The following ARSB variants were observed in gnomAD, a reference collection of about 807,000 sequenced individuals.
ARSB encodes the protein arylsulfatase B.
Under a neutral mutation model 50.9 loss-of-function variants are expected in ARSB, and 41 were observed. The ratio of observed to expected loss-of-function variants is 0.81; its 90% CI spans 0.63 to 1.04. The LOEUF (loss-of-function observed/expected upper bound fraction) is 1.04. Ranked by LOEUF, ARSB falls within the 50% of genes least tolerant of loss-of-function variation. The pLI is 0.00. For missense variants in ARSB, 672 were observed against 693.3 expected (o/e 0.97, Z 0.35); for synonymous variants, 269 against 284.8 (o/e 0.94, Z 0.56).
chr5:78,805,280 T>A (rs568556607), intron 6 of ARSB, among the ~76,000 whole-genome samples: 5 of 152,328 alleles, frequency 3.3e-5, no homozygotes, highest in South Asian at 2.1e-4. Flanking sequence ...GTATGGAGAA[T>A]CTGCCATATT....
intron 5 of ARSB, 70 bp from the exon 6 acceptor site, chr5:78,839,496 C>A: frequency 7.4e-7 from 1 of 1,358,912 alleles, no homozygotes; most frequent in South Asian, 1.2e-5. Flanking sequence ...TAATACTTCC[C>A]TTCCTTGTAC....
At chr5:78,814,233 T>C (rs1196166323) in intron 6 of ARSB, among the ~76,000 whole-genome samples, 1 of 151,180 alleles carries the variant, frequency 6.6e-6, no homozygotes, top group Non-Finnish European at 1.5e-5. Flanking sequence ...CTGAATTTAA[T>C]AATCAGATGC....
At chr5:78,869,133 C>T (rs201751459) in intron 5 of ARSB, among the ~76,000 whole-genome samples, 11 of 144,496 alleles carry the variant, frequency 7.6e-5, no homozygotes, top group African/African-American at 2.7e-4. Flanking sequence ...TATATATGCA[C>T]CCAATACAGG....
At chr5:78,829,222 T>C (rs537362938) in intron 6 of ARSB, among the ~76,000 whole-genome samples, 2 of 152,216 alleles carry the variant, frequency 1.3e-5, no homozygotes, top group South Asian at 4.1e-4. Flanking sequence ...GAAAATAGAG[T>C]GATGGTTAAG....
chr5:78,969,365 T>C (rs1478103333), intron 1 of ARSB, among the ~76,000 whole-genome samples, 173 bp from the exon 2 acceptor site: 1 of 152,194 alleles, frequency 6.6e-6, no homozygotes, highest in Non-Finnish European at 1.5e-5. Context: ...TCAAATGAAG[T>C]AGTGGACATA....
chr5:78,914,871 T>C (rs759297327), intron 4 of ARSB, among the ~76,000 whole-genome samples: 10 of 152,092 alleles, frequency 6.6e-5, no homozygotes, highest in Non-Finnish European at 1.3e-4. Flanking sequence ...TTGGTCATGT[T>C]GGCCAGGCTG....
At chr5:78,831,770 A>G (rs1213141051) in intron 6 of ARSB, among the ~76,000 whole-genome samples, 1 of 152,206 alleles carries the variant, frequency 6.6e-6, no homozygotes. Flanking sequence ...TGCAATGCTG[A>G]GCAATCTGTA....
At chr5:78,946,149 A>C (rs1438983002) in intron 4 of ARSB, among the ~76,000 whole-genome samples, 1 of 152,236 alleles carries the variant, frequency 6.6e-6, no homozygotes, top group Non-Finnish European at 1.5e-5. Flanking sequence ...CATTGGCAGG[A>C]AAGTTGGGAC....
intron 4 of ARSB, among the ~76,000 whole-genome samples, chr5:78,921,381 T>A (rs534815589): frequency 6.7e-6 from 1 of 148,834 alleles, no homozygotes. Flanking sequence ...TGTGTGTGTG[T>A]GTATACACAC....
chr5:78,946,574 G>A (rs961263781), intron 4 of ARSB, among the ~76,000 whole-genome samples: 2 of 152,096 alleles, frequency 1.3e-5, no homozygotes, highest in Non-Finnish European at 2.9e-5. Context: ...CTTAACCAAA[G>A]TAGTGAAAGG....
chr5:78,890,640 A>G (rs1748249904), intron 4 of ARSB, among the ~76,000 whole-genome samples: 3 of 152,160 alleles, frequency 2.0e-5, no homozygotes, highest in Admixed American at 2.0e-4. Flanking sequence ...ATGCATGTTT[A>G]AAGACCTGAT....
intron 3 of ARSB, among the ~76,000 whole-genome samples, chr5:78,959,984 AGCCAGCAGCT>A (rs1182579139): frequency 6.6e-6 from 1 of 152,154 alleles, no homozygotes; most frequent in Non-Finnish European, 1.5e-5. Flanking sequence ...GTCAGCCTAA[AGCCAGCAGCT>A]GCCATCACTG....
intron 3 of ARSB, among the ~76,000 whole-genome samples, chr5:78,958,339 A>C (rs1027593128): frequency 2.0e-5 from 3 of 152,136 alleles, no homozygotes; most frequent in African/African-American, 7.2e-5. Context: ...CGAAGGAGAG[A>C]AAGGAGAAAG....
intron 5 of ARSB, among the ~76,000 whole-genome samples, chr5:78,840,810 T>G (rs1453130687): frequency 6.6e-6 from 1 of 152,182 alleles, no homozygotes; most frequent in Non-Finnish European, 1.5e-5. Context: ...CCAGGACCTT[T>G]CTTTTCTCAT....
At chr5:78,968,352 TTATTATTA>T (rs1752299764) in intron 2 of ARSB, among the ~76,000 whole-genome samples, 1 of 122,290 alleles carries the variant, frequency 8.2e-6, no homozygotes, top group East Asian at 2.1e-4. Context: ...ATTATTATTA[TTATTATTA>T]TTTTTGAGAC....
At chr5:78,834,029 A>G (rs1472913307) in intron 6 of ARSB, among the ~76,000 whole-genome samples, 1 of 152,208 alleles carries the variant, frequency 6.6e-6, no homozygotes, top group Non-Finnish European at 1.5e-5. Flanking sequence ...GAAAGGCTGT[A>G]AGACAATAAA....
intron 6 of ARSB, among the ~76,000 whole-genome samples, chr5:78,824,150 C>A (rs919692735): frequency 3.3e-5 from 5 of 152,184 alleles, no homozygotes; most frequent in African/African-American, 1.2e-4. Flanking sequence ...TCATCATAAG[C>A]TGAGCAGATG....
intron 4 of ARSB, among the ~76,000 whole-genome samples, chr5:78,921,656 G>A (rs974451707): frequency 6.6e-6 from 1 of 152,120 alleles, no homozygotes; most frequent in African/African-American, 2.4e-5. Context: ...ATCAGTAACA[G>A]AAGAGATCTG....
At chr5:78,867,300 C>A (rs1434149886) in intron 5 of ARSB, among the ~76,000 whole-genome samples, 1 of 151,930 alleles carries the variant, frequency 6.6e-6, no homozygotes, top group Non-Finnish European at 1.5e-5. Flanking sequence ...GAAGCTCGAA[C>A]TGGGTGGAGC....
Sources: allele counts gnomAD v4.1 joint callset (sites outside exome capture counted in the v4.1 genomes callset), GRCh38; gene constraint gnomAD v4.1.1; transcripts MANE v1.5; gene names NCBI Gene and HGNC (gene_info 2026-07-23, HGNC 2026-07-21).